The following DMTF1 variants were observed in gnomAD, a reference collection of about 807,000 sequenced individuals.
DMTF1 encodes the protein cyclin D binding myb like transcription factor 1.
A neutral mutation model predicts 91.1 loss-of-function variants in DMTF1; 39 were observed. That is an observed-to-expected ratio of 0.43 (90% confidence interval 0.33 to 0.56). The LOEUF is 0.56. DMTF1 is among the 20% of genes least tolerant of loss of function. DMTF1 has a pLI of 0.05. For synonymous variants in DMTF1, 338 were observed against 309.5 expected, an observed-to-expected ratio of 1.09 and a Z score of -0.97; for missense variants, 750 against 914.5, an observed-to-expected ratio of 0.82 and a Z score of 2.32.
chr7:87,193,946 G>A lies in DMTF1; in HGVS notation c.1872G>A (p.Glu624=), dbSNP rs1337841906. 3 of 1,613,192 alleles carry A rather than the reference G, an allele frequency of 1.9e-6. No homozygotes were observed. In the Admixed American group the frequency reaches 5.0e-5, roughly 27 times the overall value. ...TTCATCACCCTAAGATGACTGTGGAGCCATCATTTAATGATGCTCATGTAT... is the reference window on the plus strand; with the variant it reads ...TTCATCACCCTAAGATGACTGTGGAACCATCATTTAATGATGCTCATGTAT... ...DEIHHPKMTV[E]PSFNDAHVSK... is the part of the protein sequence containing the mutation. Residue 624 remains glutamate, a synonymous_variant, in exon 16 of 18, where the codon GAG becomes GAA. Transcript: ENST00000331242.
At chr7:87,181,156 C>T (rs1797291134) in intron 8 of DMTF1, 153 bp from the exon 9 acceptor site, 2 of 479,846 alleles carry the variant, frequency 4.2e-6, no homozygotes, top group South Asian at 4.3e-5. Context: ...CTATTCTCAA[C>T]TTTTATTAAT....
At chr7:87,159,220 A>G (rs779009779) in intron 1 of DMTF1, among the ~76,000 whole-genome samples, 13 of 152,326 alleles carry the variant, frequency 8.5e-5, no homozygotes, top group Admixed American at 1.3e-4. Flanking sequence ...TATCAAAGCT[A>G]TAAATAAGGA....
At chr7:87,168,172 C>T (rs554811780) in intron 4 of DMTF1, among the ~76,000 whole-genome samples, 1 of 152,114 alleles carries the variant, frequency 6.6e-6, no homozygotes, top group Non-Finnish European at 1.5e-5. Context: ...TTGTAAAAAT[C>T]CTCACAGCAT....
At chr7:87,176,509 TGAGACCTTTTA>T (rs1224859887) in intron 7 of DMTF1, among the ~76,000 whole-genome samples, 1 of 152,150 alleles carries the variant, frequency 6.6e-6, no homozygotes, top group Admixed American at 6.6e-5. Context: ...GAGTAGGATT[TGAGACCTTTTA>T]GAGGACTGTT....
At chr7:87,175,392 G>A (rs1796061574) in intron 7 of DMTF1, among the ~76,000 whole-genome samples, 1 of 152,102 alleles carries the variant, frequency 6.6e-6, no homozygotes, top group Non-Finnish European at 1.5e-5. Context: ...CAAAAATTTA[G>A]TTTATTTTCT....
intron 2 of DMTF1, among the ~76,000 whole-genome samples, chr7:87,163,938 G>A (rs1163240885): frequency 6.6e-6 from 1 of 151,910 alleles, no homozygotes; most frequent in African/African-American, 2.4e-5. Context: ...AGCTATTCGG[G>A]TGGCTAAGAC....
rs1562860280 is a variant in DMTF1 at position 87,193,361 on chromosome 7, A to C, written c.1650+8A>C. On this transcript the variant is annotated splice_region_variant and intron_variant, in intron 15 of 17. Coordinates refer to ENST00000331242, the MANE Select transcript of DMTF1 (RefSeq NM_001142327.2). The stretch of plus-strand genomic sequence containing the variant: ...ATTGTTCATGCTTTATCCGTATGTT[A>C]CATAAATTACTTGATTTTTGAGTAC... The C allele has an allele frequency of 1.2e-6, 2 of 1,612,802 alleles. No homozygotes were observed. The highest frequency in any genetic ancestry group is 1.7e-6 in the Non-Finnish European group (2 of 1,179,242).
intron 1 of DMTF1, among the ~76,000 whole-genome samples, chr7:87,160,636 C>G (rs771503489): frequency 6.6e-6 from 1 of 152,158 alleles, no homozygotes; most frequent in Non-Finnish European, 1.5e-5. Context: ...GCTTCTGCCT[C>G]TACTACTCCC....
At chr7:87,194,417 A>G (rs879516963) in intron 16 of DMTF1, 7 of 487,330 alleles carry the variant, frequency 1.4e-5, no homozygotes, top group Non-Finnish European at 2.5e-5. Flanking sequence ...GGTTCAGCCT[A>G]GGAACATCAT....
chr7:87,176,980 AAC>A (rs1796392062), intron 7 of DMTF1, among the ~76,000 whole-genome samples: 1 of 152,302 alleles, frequency 6.6e-6, no homozygotes, highest in South Asian at 2.1e-4. Context: ...GTCATCCTGC[AAC>A]ACAGTGTGCT....
intron 9 of DMTF1, 122 bp from the exon 10 acceptor site, chr7:87,182,106 A>G: frequency 1.9e-6 from 3 of 1,550,456 alleles, no homozygotes; most frequent in Non-Finnish European, 2.6e-6. Flanking sequence ...TGGCTCTCAA[A>G]GTATTGCTGC....
At chr7:87,162,668 T>C (rs1033442605) in intron 1 of DMTF1, 1 of 152,164 alleles carries the variant, frequency 6.6e-6, no homozygotes, top group African/African-American at 2.4e-5. Context: ...GATAACAACA[T>C]GAAATCTAAT....
chr7:87,190,750 T>C (rs1412661140), intron 13 of DMTF1, among the ~76,000 whole-genome samples, 195 bp from the exon 14 acceptor site: 1 of 152,088 alleles, frequency 6.6e-6, no homozygotes, highest in Admixed American at 6.6e-5. Flanking sequence ...AGCCCACCCC[T>C]GCACTATATG....
intron 9 of DMTF1, among the ~76,000 whole-genome samples, chr7:87,181,817 G>A (rs1013376951): frequency 6.6e-6 from 1 of 152,100 alleles, no homozygotes; most frequent in Admixed American, 6.6e-5. Flanking sequence ...GAATTGTATG[G>A]ATCATGAAAA....
At chr7:87,160,716 C>T (rs1792102948) in intron 1 of DMTF1, among the ~76,000 whole-genome samples, 1 of 152,186 alleles carries the variant, frequency 6.6e-6, no homozygotes. Flanking sequence ...TCTCAGTTAT[C>T]TTTCCCCCCA....
chr7:87,190,964 T>C lies in DMTF1; in HGVS notation c.1431T>C (p.Ala477=). The C allele has an allele frequency of 6.2e-7, 1 of 1,610,738 alleles. No homozygotes were observed. The highest frequency in any genetic ancestry group is 8.5e-7 in the Non-Finnish European group (1 of 1,178,104). ...CCACAGCTTCAGCAGACTCTCCTGC[T>C]ACCGTTGACTCAGAAACAATAACAC... ...ITHVSSADSP[A]TVDSETITLN... Residue 477 remains alanine, a synonymous_variant, in exon 14 of 18, where the codon GCT becomes GCC. Transcript: ENST00000331242.
intron 1 of DMTF1, among the ~76,000 whole-genome samples, chr7:87,157,678 TTAAA>T (rs1301552219): frequency 6.6e-6 from 1 of 152,124 alleles, no homozygotes; most frequent in Non-Finnish European, 1.5e-5. Flanking sequence ...GAATTCTGTG[TTAAA>T]TAACAGATCC....
chr7:87,184,783 CT>C, intron 11 of DMTF1, 158 bp downstream of exon 11: 1 of 737,292 alleles, frequency 1.4e-6, no homozygotes, highest in Non-Finnish European at 2.4e-6. Context: ...ATATTGAGCT[CT>C]TTTTTTGTGT....
Position 87,166,538 on chromosome 7 carries a change from T to G in DMTF1, c.165T>G (p.Cys55Trp). ...TTGAACCTCCACATAAAAGGCTTTG[T>G]TTGTCCTCTGAGGATGATCAGAGTA... ...DSIEPPHKRL[C>W]LSSEDDQSID... The change falls in exon 4 of 18, where the codon TGT (cysteine) becomes TGG (tryptophan). Residue 55 changes from cysteine to tryptophan, a missense_variant. Around this residue, in one of 3 missense-constraint regions of DMTF1, gnomAD observed 150 missense variants for 150.4 expected, o/e 1.00. Transcript: ENST00000331242. 6.2e-7 allele frequency: 1 copy of G among 1,613,324 alleles called. No homozygotes were observed. The highest frequency in any genetic ancestry group is 8.5e-7 in the Non-Finnish European group (1 of 1,179,372).
Sources: allele counts gnomAD v4.1 joint callset (sites outside exome capture counted in the v4.1 genomes callset), GRCh38; gene constraint gnomAD v4.1.1; regional missense constraint gnomAD v4.1.1; transcripts MANE v1.5; gene names NCBI Gene and HGNC (gene_info 2026-07-23, HGNC 2026-07-21).